Variants in EDARADD observed in about 807,000 individuals in gnomAD.
EDARADD encodes ectodysplasin-A receptor-associated adapter protein.
A neutral mutation model predicts 25.6 loss-of-function variants in EDARADD; 20 were observed. The observed-to-expected ratio is 0.78, with a 90% CI of 0.55 to 1.14. The LOEUF is 1.14. Ranked by LOEUF, EDARADD falls within the 50% of genes most tolerant of loss-of-function variation. The probability of loss-of-function intolerance (pLI) is 0.00; values close to 1 mark genes in which losing one functional copy is unlikely to be tolerated. For missense variants in EDARADD, 225 were observed against 270.1 expected (o/e 0.83, Z 1.17); for synonymous variants, 86 against 94.4 (o/e 0.91, Z 0.52).
rs1272377650 is a variant in EDARADD at position 236,409,292 on chromosome 1, C to T, written c.120+18C>T. 6.3e-7 allele frequency: 1 copy of T among 1,585,728 alleles called. No homozygotes were observed. Among genetic ancestry groups the T allele is most frequent in the Non-Finnish European group, 8.7e-7 (1 of 1,154,576 alleles). On this transcript the variant is annotated intron_variant, in intron 2 of 5. Transcript: ENST00000334232. The stretch of plus-strand genomic sequence containing the variant: ...TTAATATGGTAGGTGACAAATTTTA[C>T]ACTAATGGTGATAATTATTGTTTTG...
chr1:236,358,767 T>G (rs2102990879), intron 3 of EDARADD, among the ~76,000 whole-genome samples: 1 of 152,332 alleles, frequency 6.6e-6, no homozygotes, highest in South Asian at 2.1e-4. Flanking sequence ...ATTTTGCATT[T>G]GCTGAGGAGT....
chr1:236,394,092 C>CA (rs574373334), upstream of EDARADD, among the ~76,000 whole-genome samples: 487 of 152,126 alleles, frequency 3.2e-3, 2 homozygotes, highest in African/African-American at 0.011. Flanking sequence ...TTCAGAGTTT[C>CA]AAAAAGCAAA....
rs1667504575 is a variant in EDARADD at position 236,395,759 on chromosome 1, C to T, written c.61+1254C>T. On this transcript the variant is annotated intron_variant, in intron 1 of 5. Transcript: ENST00000334232. The surrounding 1 kb of genome is among the most constrained non-coding windows in gnomAD (Gnocchi z 6.9). ...AGCCGCAGGGCTATCGAGGCCGGGCCTCGGCGACCCCCGAGGGAGGCCCGG... is the reference window on the plus strand; with the variant it reads ...AGCCGCAGGGCTATCGAGGCCGGGCTTCGGCGACCCCCGAGGGAGGCCCGG... The T allele has an allele frequency of 1.4e-6, 2 of 1,405,172 alleles. No homozygotes were observed. The highest frequency in any genetic ancestry group is 2.7e-5 in the South Asian group (2 of 74,216). 87.0% of individuals were successfully genotyped at this position (1,405,172 alleles called of 1,614,324 possible).
intron 3 of EDARADD, among the ~76,000 whole-genome samples, chr1:236,362,847 G>A (rs1460709541): frequency 6.6e-6 from 1 of 150,742 alleles, no homozygotes; most frequent in Non-Finnish European, 1.5e-5. Context: ...ACCTATTGTC[G>A]ATTTATGTGT....
intron 5 of EDARADD, among the ~76,000 whole-genome samples, chr1:236,477,464 C>T (rs867342872): frequency 2.6e-5 from 4 of 152,006 alleles, no homozygotes; most frequent in East Asian, 1.9e-4. Context: ...TAAGGTGTTG[C>T]GCGGAAATAA....
At chr1:236,391,227 G>A (rs760451894), upstream of EDARADD, among the ~76,000 whole-genome samples, 7 of 152,160 alleles carry the variant, frequency 4.6e-5, no homozygotes, top group Non-Finnish European at 1.0e-4. Flanking sequence ...TCATATTCCA[G>A]CCCCTGGACT....
chr1:236,452,564 A>G (rs1039233321), intron 4 of EDARADD, among the ~76,000 whole-genome samples: 6 of 151,592 alleles, frequency 4.0e-5, no homozygotes, highest in Non-Finnish European at 7.4e-5. Context: ...ACCTTCTACC[A>G]TGACTGTAAG....
rs1196859744 is a variant in EDARADD, at chr1:236,409,207, T to TAAAAAGAACAAAAAAAA, written c.62-9_62-8insAAAAAGAACAAAAAAAA. Reference sequence around the variant, plus strand: ...CCGCTCTATTTGTTTGTTTTTGTTCTTTTTACAGATCATATGGTAAAGGAA... The same window carrying TAAAAAGAACAAAAAAAA: ...CCGCTCTATTTGTTTGTTTTTGTTCTAAAAAGAACAAAAAAAATTTTACAGATCATATGGTAAAGGAA... On this transcript the variant is annotated splice_polypyrimidine_tract_variant and intron_variant, in intron 1 of 5. Coordinates refer to ENST00000334232, the MANE Select transcript of EDARADD (RefSeq NM_145861.4). The TAAAAAGAACAAAAAAAA allele has an allele frequency of 6.2e-7, 1 of 1,607,790 alleles. No individual in the cohort carries two copies.
chr1:236,413,097 C>T (rs907719280), intron 2 of EDARADD, among the ~76,000 whole-genome samples: 6 of 152,182 alleles, frequency 3.9e-5, no homozygotes, highest in Non-Finnish European at 7.3e-5. Flanking sequence ...CTTCTGATCT[C>T]AGGTGATCTG....
At chr1:236,446,131 A>G (rs584792) in intron 4 of EDARADD, among the ~76,000 whole-genome samples, 120,427 of 152,162 alleles carry the variant, frequency 0.79, 48,606 homozygotes, top group Non-Finnish European at 0.88. Flanking sequence ...CCATCTTCCT[A>G]CTGCCATTTT....
At chr1:236,385,028 C>T (rs1360927938) in intron 3 of EDARADD, among the ~76,000 whole-genome samples, 2 of 149,120 alleles carry the variant, frequency 1.3e-5, no homozygotes, top group African/African-American at 5.0e-5. Context: ...TGTCTTGCTG[C>T]AGATAATTTA....
In EDARADD at chr1:236,483,172, T is replaced by C; in HGVS notation, c.*523T>C. 1.3e-6 allele frequency: 2 copies of C among 1,557,268 alleles called. No individual in the cohort carries two copies. Among genetic ancestry groups the C allele is most frequent in the Non-Finnish European group, 1.8e-6 (2 of 1,130,866 alleles). ...AGTGGCTAGAAATTCACCATGTCTA[T>C]TCTCAAGATCCATGCCAGGGAGCTC... On this transcript the variant is annotated 3_prime_UTR_variant, in exon 6 of 6. Coordinates refer to ENST00000334232, the MANE Select transcript of EDARADD (RefSeq NM_145861.4).
In EDARADD at chr1:236,466,356, G is replaced by T. The variant is rs141370837; in HGVS notation, c.220-1875G>T. Among the ~76,000 whole-genome samples, 294 of 151,922 alleles carry T rather than the reference G, an allele frequency of 1.9e-3. 2 individuals carry two copies. Among genetic ancestry groups the T allele is most frequent in the African/African-American group, 6.9e-3 (285 of 41,438 alleles). On this transcript the variant is annotated intron_variant, in intron 4 of 5. Coordinates refer to ENST00000334232, the MANE Select transcript of EDARADD (RefSeq NM_145861.4). ...GTTGCATAGAGAGAGATTTCTATCC[G>T]TTCAGAGACTCACTATAATTCTCTC...
chr1:236,404,426 A>G (rs1166177141), intron 1 of EDARADD, among the ~76,000 whole-genome samples: 1 of 152,158 alleles, frequency 6.6e-6, no homozygotes, highest in Non-Finnish European at 1.5e-5. Flanking sequence ...AATAAAGGCC[A>G]GGGAGAAGGT....
chr1:236,396,861 C>T (rs1237858404), intron 1 of EDARADD, among the ~76,000 whole-genome samples: 3 of 151,490 alleles, frequency 2.0e-5, no homozygotes, highest in African/African-American at 7.3e-5. Context: ...TCCACTCCTA[C>T]CCTAGCATCC....
At chr1:236,441,567 A>G (rs1229903119) in intron 4 of EDARADD, among the ~76,000 whole-genome samples, 1 of 149,612 alleles carries the variant, frequency 6.7e-6, no homozygotes, top group Non-Finnish European at 1.5e-5. Flanking sequence ...TCTATTGACC[A>G]GGCTGGAGTG....
chr1:236,405,809 T>TTCCC (rs1558112581), intron 1 of EDARADD, among the ~76,000 whole-genome samples: 1 of 129,446 alleles, frequency 7.7e-6, no homozygotes, highest in African/African-American at 2.9e-5. Context: ...TCTTTCTTTC[T>TTCCC]TTCCTTCCTT....
In EDARADD at chr1:236,411,679, G is replaced by C. The variant is rs180954072; in HGVS notation, c.120+2405G>C. Among the ~76,000 whole-genome samples the C allele has an allele frequency of 4.6e-3, 693 of 152,056 alleles. 5 individuals carry two copies. The highest frequency in any genetic ancestry group is 0.016 in the African/African-American group (659 of 41,462). On this transcript the variant is annotated intron_variant, in intron 2 of 5. Coordinates refer to ENST00000334232, the MANE Select transcript of EDARADD (RefSeq NM_145861.4). ...TTCTCCTGCCTCAGCCTCCCAAGTAGCTGGGATTACAGGTGCCCACCAACG... is the reference window on the plus strand; with the variant it reads ...TTCTCCTGCCTCAGCCTCCCAAGTACCTGGGATTACAGGTGCCCACCAACG...
chr1:236,442,947 A>G (rs933937844), intron 4 of EDARADD, among the ~76,000 whole-genome samples: 8 of 152,128 alleles, frequency 5.3e-5, no homozygotes, highest in Non-Finnish European at 8.8e-5. Flanking sequence ...TTAAGAGGTG[A>G]TTGGTTCGTG....
Sources: allele counts gnomAD v4.1 joint callset (sites outside exome capture counted in the v4.1 genomes callset), GRCh38; gene constraint gnomAD v4.1.1; non-coding constraint Gnocchi (gnomAD v3.1); transcripts MANE v1.5; gene names NCBI Gene and HGNC (gene_info 2026-07-23, HGNC 2026-07-21).